HFE: variants seen among roughly 807,000 people sequenced by gnomAD.
The protein encoded by HFE is hereditary hemochromatosis protein.
HFE carries 36 observed loss-of-function variants against 40.9 expected under a neutral mutation model. The ratio of observed to expected loss-of-function variants is 0.88; its 90% CI spans 0.67 to 1.16. The LOEUF (loss-of-function observed/expected upper bound fraction) is 1.16, where lower values mean the gene tolerates loss of function less well. HFE is among the 50% of genes most tolerant of loss of function. The probability of loss-of-function intolerance (pLI) is 0.00; values close to 1 mark genes in which losing one functional copy is unlikely to be tolerated. For synonymous variants in HFE, 157 were observed against 165.4 expected, an observed-to-expected ratio of 0.95 and a Z score of 0.39; for missense variants, 376 against 432.0, an observed-to-expected ratio of 0.87 and a Z score of 1.15.
rs1337565464 is a variant in HFE at position 26,096,291 on chromosome 6, G to A, written c.*2065G>A. The A allele has an allele frequency of 4.1e-5, 14 of 345,200 alleles. No homozygotes were observed. The highest frequency in any genetic ancestry group is 2.0e-3 in the Middle Eastern group (2 of 1,006). 21.4% of individuals were successfully genotyped at this position (345,200 alleles called of 1,614,324 possible). A position where few individuals can be genotyped will look rare whatever the true frequency, so the allele number is the denominator to read the frequency against. ...TGGGATTACAGGCGTGCACCACCATGCCCGGCTAATTTTTGTATTTTTAGT... is the reference window on the plus strand; with the variant it reads ...TGGGATTACAGGCGTGCACCACCATACCCGGCTAATTTTTGTATTTTTAGT... On this transcript the variant is annotated 3_prime_UTR_variant, in exon 6 of 6. Coordinates refer to ENST00000357618, the MANE Select transcript of HFE (RefSeq NM_000410.4).
rs1310863912 is a variant in HFE at position 26,090,894 on chromosome 6, C to A, written c.130C>A (p.Leu44Ile). 1.9e-6 allele frequency: 3 copies of A among 1,614,068 alleles called. No homozygotes were observed. Among genetic ancestry groups the A allele is most frequent in the Non-Finnish European group, 1.7e-6 (2 of 1,180,052 alleles). ...GGGTGCCTCAGAGCAGGACCTTGGTCTTTCCTTGTTTGAAGCTTTGGGCTA... is the reference window on the plus strand; with the variant it reads ...GGGTGCCTCAGAGCAGGACCTTGGTATTTCCTTGTTTGAAGCTTTGGGCTA... ...FMGASEQDLG[L>I]SLFEALGYVD... is the part of the protein sequence containing the mutation. Residue 44 changes from leucine (L) to isoleucine (I), a missense_variant, in exon 2 of 6, where the codon CTT becomes ATT. Physicochemically the swap from Leu to Ile is conservative, Grantham distance 5. Coordinates refer to ENST00000357618, the MANE Select transcript of HFE (RefSeq NM_000410.4).
At chr6:26,093,061 G>T (rs1175478651) in intron 4 of HFE, 58 bp from the exon 5 acceptor site, 1 of 1,613,774 alleles carries the variant, frequency 6.2e-7, no homozygotes, top group East Asian at 2.2e-5. Flanking sequence ...TCTGCTCTTT[G>T]TTAGGGGGTG....
intron 1 of HFE, among the ~76,000 whole-genome samples, chr6:26,090,464 A>AAAAAAAC (rs1762614425): frequency 6.6e-6 from 1 of 150,926 alleles, no homozygotes; most frequent in Non-Finnish European, 1.5e-5. Context: ...AAAAAAAAAA[A>AAAAAAAC]AAAAAAACTG....
chr6:26,091,541 C>T lies in HFE; in HGVS notation c.568C>T (p.Gln190Ter), dbSNP rs1330944743. 2 of 1,613,906 alleles carry T rather than the reference C, an allele frequency of 1.2e-6. No individual in the cohort carries two copies. Among genetic ancestry groups the T allele is most frequent in the South Asian group, 1.1e-5 (1 of 91,070 alleles). The change falls in exon 3 of 6, where the codon CAG becomes TAG. Residue 190 changes from glutamine (Q) to a stop codon, truncating the protein, a stop_gained. Coordinates refer to ENST00000357618, the MANE Select transcript of HFE (RefSeq NM_000410.4). LOFTEE classifies it high-confidence loss of function. ...CTACCTGGAGAGGGACTGCCCTGCA[C>T]AGCTGCAGCAGTTGCTGGAGCTGGG... The part of the protein sequence containing the change: ...RAYLERDCPA[Q>*]LQQLLELGRG...
In HFE at chr6:26,094,481, C is replaced by T; in HGVS notation, c.*255C>T. The T allele has an allele frequency of 1.4e-6, 1 of 703,068 alleles. No homozygotes were observed. Among genetic ancestry groups the T allele is most frequent in the South Asian group, 1.5e-5 (1 of 67,594 alleles). The allele number at this position is 703,068 out of a possible 1,614,324, so 43.6% of individuals were successfully genotyped here. ...ACTGTCTCTCATGAACCTCAAGCTG[C>T]ATCTAGAGGCTTCCTTCATTTCCTC... On this transcript the variant is annotated 3_prime_UTR_variant, in exon 6 of 6. Coordinates refer to ENST00000357618, the MANE Select transcript of HFE (RefSeq NM_000410.4).
In HFE at chr6:26,098,124, A is replaced by G. The variant is rs977425640; in HGVS notation, c.*3898A>G. 6.6e-6 allele frequency: 1 copy of G among 152,110 alleles called. No individual in the cohort carries two copies. The highest frequency in any genetic ancestry group is 2.4e-5 in the African/African-American group (1 of 41,372). The allele number at this position is 152,110 out of a possible 1,614,324, so 9.4% of individuals were successfully genotyped here. ...TAGAATGTTACTACAATATTAAAGT[A>G]TTTTGTATGACAATTTTATTTGAAA... On this transcript the variant is annotated 3_prime_UTR_variant, in exon 6 of 6. Coordinates refer to ENST00000357618, the MANE Select transcript of HFE (RefSeq NM_000410.4).
rs62625346 is a variant in HFE, at chr6:26,092,739, G to A, written c.671G>A (p.Arg224Gln). The A allele has an allele frequency of 4.1e-5, 66 of 1,614,154 alleles. No individual in the cohort carries two copies. The highest frequency in any genetic ancestry group is 3.0e-4 in the South Asian group (27 of 91,082). The change falls in exon 4 of 6, where the codon CGG becomes CAG. Residue 224 changes from arginine (R) to glutamine (Q), a missense_variant. Around this residue, in one of 3 missense-constraint regions of HFE, gnomAD observed 173 missense variants for 186.9 expected, o/e 0.93. Coordinates refer to ENST00000357618, the MANE Select transcript of HFE (RefSeq NM_000410.4). Reference protein sequence around the residue: ...HHVTSSVTTLRCRALNYYPQN... With the variant: ...HHVTSSVTTLQCRALNYYPQN... ...GTGACCTCTTCAGTGACCACTCTAC[G>A]GTGTCGGGCCTTGAACTACTACCCC...
chr6:26,092,494 A>C, intron 3 of HFE, 191 bp from the exon 4 acceptor site: 1 of 863,258 alleles, frequency 1.2e-6, no homozygotes, highest in South Asian at 1.4e-5. Context: ...GAACAAGCTG[A>C]TCTGACTGCT....
intron 5 of HFE, 111 bp from the exon 6 acceptor site, chr6:26,094,075 A>C: frequency 9.8e-7 from 1 of 1,021,686 alleles, no homozygotes. Flanking sequence ...GAAATCCAAT[A>C]GTGCCCAGGT....
At chr6:26,089,108 TGGGG>T (rs60292295) in intron 1 of HFE, among the ~76,000 whole-genome samples, 1 of 56,360 alleles carries the variant, frequency 1.8e-5, no homozygotes, top group African/African-American at 8.0e-5. Flanking sequence ...TGTGTGTGTG[TGGGG>T]GGGGGGGGCG....
Position 26,090,945 on chromosome 6 carries a change from T to C in HFE, c.181T>C (p.Tyr61His). ...CGTGGATGACCAGCTGTTCGTGTTC[T>C]ATGATCATGAGAGTCGCCGTGTGGA... ...GYVDDQLFVF[Y>H]DHESRRVEPR... Residue 61 changes from tyrosine to histidine, a missense_variant, in exon 2 of 6, where the codon TAT becomes CAT. By Grantham distance (83) the Tyr-to-His change is moderately conservative. Around this residue, in one of 3 missense-constraint regions of HFE, gnomAD observed 200 missense variants for 228.5 expected, o/e 0.88. Coordinates refer to ENST00000357618, the MANE Select transcript of HFE (RefSeq NM_000410.4). 4 of 1,614,196 alleles carry C rather than the reference T, an allele frequency of 2.5e-6. No homozygotes were observed. Among genetic ancestry groups the C allele is most frequent in the Non-Finnish European group, 3.4e-6 (4 of 1,180,034 alleles).
chr6:26,094,307 T>A lies in HFE; in HGVS notation c.*81T>A, dbSNP rs1762922362. 1 of 1,305,776 alleles carries A rather than the reference T, an allele frequency of 7.7e-7. No individual in the cohort carries two copies. The highest frequency in any genetic ancestry group is 1.5e-5 in the African/African-American group (1 of 68,890). The allele number at this position is 1,305,776 out of a possible 1,614,324, so 80.9% of individuals were successfully genotyped here. A position where few individuals can be genotyped will look rare whatever the true frequency, so the allele number is the denominator to read the frequency against. On this transcript the variant is annotated 3_prime_UTR_variant, in exon 6 of 6. Coordinates refer to ENST00000357618, the MANE Select transcript of HFE (RefSeq NM_000410.4). ...GAGTGCATTTATGAGCTCTTCATGT[T>A]TCAGGAGAGAGTTGAACCTAAACAT...
Position 26,096,476 on chromosome 6 carries a change from A to T in HFE, c.*2250A>T, listed in dbSNP as rs1049108448. The T allele has an allele frequency of 2.2e-6, 1 of 456,200 alleles. No homozygotes were observed. The highest frequency in any genetic ancestry group is 4.4e-6 in the Non-Finnish European group (1 of 226,776). The allele number at this position is 456,200 out of a possible 1,614,324, so 28.3% of individuals were successfully genotyped here. On this transcript the variant is annotated 3_prime_UTR_variant, in exon 6 of 6. Coordinates refer to ENST00000357618, the MANE Select transcript of HFE (RefSeq NM_000410.4). Reference sequence around the variant, plus strand: ...ATATATATCCAGATGGCATGTGTTTACTTTATGTTACTACATGCACTTGGC... The same window carrying T: ...ATATATATCCAGATGGCATGTGTTTTCTTTATGTTACTACATGCACTTGGC...
chr6:26,093,277 G>T, intron 5 of HFE, 45 bp downstream of exon 5: 1 of 1,352,468 alleles, frequency 7.4e-7, no homozygotes, highest in Non-Finnish European at 1.1e-6. Context: ...TCTGCCCCAG[G>T]GCACAGTGGG....
At chr6:26,091,722 T>C in intron 3 of HFE, 133 bp downstream of exon 3, 4 of 866,052 alleles carry the variant, frequency 4.6e-6, no homozygotes, top group Non-Finnish European at 7.5e-6. Flanking sequence ...GAAGGGACTT[T>C]CTCAATCCTA....
Position 26,087,788 on chromosome 6 carries a change from A to C in HFE, c.76+272A>C, listed in dbSNP as rs1318882840. Among the ~76,000 whole-genome samples, 2 of 152,018 alleles carry C rather than the reference A, an allele frequency of 1.3e-5. 1 individual carries two copies. ...TGGAACCGCCCACTCCCTTCCCCCAACTAGAATGCTTTTAAATAAATCTCG... is the reference window on the plus strand; with the variant it reads ...TGGAACCGCCCACTCCCTTCCCCCACCTAGAATGCTTTTAAATAAATCTCG... On this transcript the variant is annotated intron_variant, in intron 1 of 5. Coordinates refer to ENST00000357618, the MANE Select transcript of HFE (RefSeq NM_000410.4).
intron 1 of HFE, among the ~76,000 whole-genome samples, chr6:26,090,091 G>T (rs1762571385): frequency 6.6e-6 from 1 of 152,150 alleles, no homozygotes; most frequent in Non-Finnish European, 1.5e-5. Context: ...GACATGTTAA[G>T]TTTGAGATTC....
rs1763107348 is a variant in HFE at position 26,098,223 on chromosome 6, T to C, written c.*3997T>C. 1 of 152,238 alleles carries C rather than the reference T, an allele frequency of 6.6e-6. No individual in the cohort carries two copies. The highest frequency in any genetic ancestry group is 1.5e-5 in the Non-Finnish European group (1 of 68,030). The allele number at this position is 152,238 out of a possible 1,614,324, so 9.4% of individuals were successfully genotyped here. A position where few individuals can be genotyped will look rare whatever the true frequency, so the allele number is the denominator to read the frequency against. The stretch of plus-strand genomic sequence containing the variant: ...GCATTCTGGTATCTCAAGCATTCTA[T>C]TTCTGAGTAATTGTTTAAGGTGTAG... On this transcript the variant is annotated 3_prime_UTR_variant, in exon 6 of 6. Coordinates refer to ENST00000357618, the MANE Select transcript of HFE (RefSeq NM_000410.4).
chr6:26,094,389 G>A lies in HFE; in HGVS notation c.*163G>A. 1.3e-6 allele frequency: 1 copy of A among 744,408 alleles called. No homozygotes were observed. Among genetic ancestry groups the A allele is most frequent in the South Asian group, 1.5e-5 (1 of 68,440 alleles). The allele number at this position is 744,408 out of a possible 1,614,324, so 46.1% of individuals were successfully genotyped here. On this transcript the variant is annotated 3_prime_UTR_variant, in exon 6 of 6. Coordinates refer to ENST00000357618, the MANE Select transcript of HFE (RefSeq NM_000410.4). ...CCTTCTCTGTTCATTTCCTCAAAAA[G>A]ATTTCCCCATTTAGGTTTCTGAGTT...
Sources: allele counts gnomAD v4.1 joint callset (sites outside exome capture counted in the v4.1 genomes callset), GRCh38; gene constraint gnomAD v4.1.1; regional missense constraint gnomAD v4.1.1; transcripts MANE v1.5; gene names NCBI Gene and HGNC (gene_info 2026-07-23, HGNC 2026-07-21).